Variants in EXT2 observed in about 807,000 individuals in gnomAD.
EXT2 encodes the protein exostosin-2.
Under a neutral mutation model 81.6 loss-of-function variants are expected in EXT2, and 53 were observed. That is an observed-to-expected ratio of 0.65 (90% CI 0.52 to 0.82). The LOEUF is 0.82. Ranked by LOEUF, EXT2 falls within the 40% of genes least tolerant of loss-of-function variation. The pLI is 0.00. For missense variants in EXT2, 774 were observed against 910.2 expected (o/e 0.85, Z 1.93); for synonymous variants, 320 against 340.0 (o/e 0.94, Z 0.65).
At chr11:44,179,354 G>A (rs1258621594) in intron 8 of EXT2, among the ~76,000 whole-genome samples, 2 of 152,186 alleles carry the variant, frequency 1.3e-5, no homozygotes, top group Non-Finnish European at 2.9e-5. Flanking sequence ...TTCCTTAGAT[G>A]CAGTCCTGCC....
rs551996243 is a variant in EXT2 at position 44,247,471 on chromosome 11, C to G, written c.*3184C>G. 1.3e-5 allele frequency among the ~76,000 whole-genome samples: 2 copies of G among 152,222 alleles called. No individual in the cohort carries two copies. The highest frequency in any genetic ancestry group is 1.9e-4 in the East Asian group (1 of 5,180). ...TTCACCACGTTAGCCAGGCTGGTCT[C>G]GAACTCCTGACCTCAGGTGATCTGC... On this transcript the variant is annotated 3_prime_UTR_variant, in exon 14 of 14. Transcript: ENST00000533608.
chr11:44,173,810 G>A (rs1044409744), intron 8 of EXT2, among the ~76,000 whole-genome samples: 1 of 151,698 alleles, frequency 6.6e-6, no homozygotes, highest in Non-Finnish European at 1.5e-5. Context: ...CTTGTGATCC[G>A]CCTGCCTCGG....
At chr11:44,155,955 C>T (rs1299090031) in intron 7 of EXT2, among the ~76,000 whole-genome samples, 1 of 152,126 alleles carries the variant, frequency 6.6e-6, no homozygotes, top group East Asian at 1.9e-4. Context: ...CTTTGTTTGT[C>T]CGGGAAAGTA....
chr11:44,102,086 G>A (rs1379287821), intron 1 of EXT2, among the ~76,000 whole-genome samples: 7 of 152,168 alleles, frequency 4.6e-5, no homozygotes, highest in African/African-American at 9.7e-5. Flanking sequence ...TTGAAGGGGA[G>A]GCTGGATCTC....
At chr11:44,152,629 G>C (rs763965909) in intron 7 of EXT2, among the ~76,000 whole-genome samples, 1 of 152,096 alleles carries the variant, frequency 6.6e-6, no homozygotes, top group Non-Finnish European at 1.5e-5. Flanking sequence ...GAGATTACGG[G>C]CATGAGCCAC....
intron 9 of EXT2, among the ~76,000 whole-genome samples, chr11:44,198,418 GAA>G (rs796298167): frequency 2.0e-5 from 3 of 151,798 alleles, no homozygotes; most frequent in African/African-American, 7.3e-5. Context: ...CTTCTGATTG[GAA>G]AAGTCAGCAG....
At chr11:44,237,918 A>AC (rs1590670912) in intron 13 of EXT2, among the ~76,000 whole-genome samples, 1 of 144,798 alleles carries the variant, frequency 6.9e-6, no homozygotes, top group Non-Finnish European at 1.5e-5. Flanking sequence ...AAAAAAAAAA[A>AC]AAAAAAAAAA....
intron 9 of EXT2, among the ~76,000 whole-genome samples, chr11:44,203,160 A>G (rs970776529): frequency 2.6e-5 from 4 of 152,194 alleles, no homozygotes; most frequent in Admixed American, 2.0e-4. Context: ...TTCCCTTTTC[A>G]TTCGATAATC....
intron 10 of EXT2, among the ~76,000 whole-genome samples, chr11:44,216,660 G>C (rs1247887112): frequency 6.6e-6 from 1 of 152,070 alleles, no homozygotes; most frequent in Non-Finnish European, 1.5e-5. Context: ...TTATGTTAAA[G>C]GGTTGGAAGA....
intron 8 of EXT2, among the ~76,000 whole-genome samples, chr11:44,172,217 T>C (rs558924395): frequency 6.6e-5 from 10 of 152,308 alleles, no homozygotes; most frequent in African/African-American, 1.9e-4. Context: ...TCTAGAGGCA[T>C]TACGGATTGC....
intron 1 of EXT2, chr11:44,096,251 G>A (rs1475032158): frequency 6.5e-7 from 1 of 1,535,888 alleles, no homozygotes; most frequent in African/African-American, 1.4e-5. Context: ...CCTCCCAGGG[G>A]GATGTCCTGC....
intron 9 of EXT2, among the ~76,000 whole-genome samples, chr11:44,202,286 T>G (rs16937857): frequency 0.04 from 6,106 of 152,288 alleles, 422 homozygotes; most frequent in African/African-American, 0.14. Context: ...AGATGAACAG[T>G]GCGGAAAGCT....
At chr11:44,102,109 T>C (rs1269219961) in intron 1 of EXT2, among the ~76,000 whole-genome samples, 1 of 152,174 alleles carries the variant, frequency 6.6e-6, no homozygotes, top group Non-Finnish European at 1.5e-5. Flanking sequence ...TCGGGAAAGA[T>C]CTTGCAACAT....
At chr11:44,199,270 T>C (rs1955494838) in intron 9 of EXT2, among the ~76,000 whole-genome samples, 1 of 152,216 alleles carries the variant, frequency 6.6e-6, no homozygotes, top group South Asian at 2.1e-4. Context: ...AGGATGAGAA[T>C]ACAGAAAGGA....
intron 6 of EXT2, among the ~76,000 whole-genome samples, chr11:44,128,196 TAG>T (rs1239895023): frequency 6.6e-6 from 1 of 152,096 alleles, no homozygotes; most frequent in East Asian, 1.9e-4. Flanking sequence ...GTGAGTAACA[TAG>T]AGTCTCTGTT....
chr11:44,118,002 A>G (rs1235389542), intron 4 of EXT2, among the ~76,000 whole-genome samples: 1 of 152,174 alleles, frequency 6.6e-6, no homozygotes, highest in African/African-American at 2.4e-5. Flanking sequence ...CTGACTATTC[A>G]GGTCCTTTGC....
chr11:44,148,001 G>A (rs1175504098), intron 7 of EXT2, among the ~76,000 whole-genome samples: 1 of 152,106 alleles, frequency 6.6e-6, no homozygotes, highest in African/African-American at 2.4e-5. Context: ...ATGAGAGGTA[G>A]TGGGACGGCC....
At chr11:44,218,539 G>C (rs1955745257) in intron 10 of EXT2, among the ~76,000 whole-genome samples, 1 of 152,110 alleles carries the variant, frequency 6.6e-6, no homozygotes, top group Admixed American at 6.5e-5. Context: ...ATGACTTAGA[G>C]GTTGCAGAGA....
intron 7 of EXT2, among the ~76,000 whole-genome samples, chr11:44,162,811 A>G (rs948330053): frequency 6.6e-6 from 1 of 152,102 alleles, no homozygotes; most frequent in Non-Finnish European, 1.5e-5. Context: ...TAATAGAAAC[A>G]TGTTTCCAGG....
Sources: gnomAD v4.1 joint callset for allele counts (sites outside exome capture counted in the v4.1 genomes callset) on GRCh38, gnomAD v4.1.1 for gene constraint, MANE v1.5 for transcripts, NCBI Gene and HGNC (gene_info 2026-07-23, HGNC 2026-07-21) for gene names.